LRRK2: variants seen among roughly 807,000 people sequenced by gnomAD.
LRRK2 encodes the protein leucine-rich repeat serine/threonine-protein kinase 2.
A neutral mutation model predicts 302.6 loss-of-function variants in LRRK2; 203 were observed. The observed-to-expected ratio is 0.67, with a 90% CI of 0.60 to 0.75. The LOEUF (loss-of-function observed/expected upper bound fraction) is 0.75. LRRK2 is among the 30% of genes least tolerant of loss of function. The pLI is 0.00. For missense variants in LRRK2, 2,830 were observed against 2,951.0 expected, an observed-to-expected ratio of 0.96 and a Z score of 0.95; for synonymous variants, 1,066 against 1,031.9, an observed-to-expected ratio of 1.03 and a Z score of -0.63.
At chr12:40,240,926 A>G (rs1941692389) in intron 6 of LRRK2, among the ~76,000 whole-genome samples, 1 of 152,210 alleles carries the variant, frequency 6.6e-6, no homozygotes, top group African/African-American at 2.4e-5. Flanking sequence ...AGATGGCAGA[A>G]GTACCTAGAG....
At chr12:40,332,282 C>T (rs1945735217) in intron 39 of LRRK2, among the ~76,000 whole-genome samples, 1 of 152,128 alleles carries the variant, frequency 6.6e-6, no homozygotes, top group Non-Finnish European at 1.5e-5. Context: ...TAACTCAGTA[C>T]TCTAAGGAGG....
In LRRK2 at chr12:40,302,858, C is replaced by G; in HGVS notation, c.3566C>G (p.Pro1189Arg). The G allele has an allele frequency of 6.2e-7, 1 of 1,604,352 alleles. No individual in the cohort carries two copies. The highest frequency in any genetic ancestry group is 8.5e-7 in the Non-Finnish European group (1 of 1,171,772). Residue 1189 changes from proline to arginine, a missense_variant, in exon 26 of 51, where the codon CCA becomes CGA. Around this residue, in one of 3 missense-constraint regions of LRRK2, gnomAD observed 2,121 missense variants for 2,148.0 expected, o/e 0.99. Coordinates refer to ENST00000298910, the MANE Select transcript of LRRK2 (RefSeq NM_198578.4). ...TCTCAGAACAAATTTTCCTGTATTC[C>G]AGAAGCAATTTTAAATCTTCCACAG... Reference protein sequence around the residue: ...KLSQNKFSCIPEAILNLPHLR... With the variant: ...KLSQNKFSCIREAILNLPHLR...
At chr12:40,326,277 A>G (rs942204748) in intron 38 of LRRK2, among the ~76,000 whole-genome samples, 1 of 152,042 alleles carries the variant, frequency 6.6e-6, no homozygotes, top group Non-Finnish European at 1.5e-5. Context: ...ATCCTGGCTA[A>G]CACGGTGAAA....
In LRRK2 at chr12:40,315,237, A is replaced by G; in HGVS notation, c.4764A>G (p.Pro1588=). The change falls in exon 33 of 51, where the codon CCA becomes CCG. Residue 1588 remains proline, a synonymous_variant. Coordinates refer to ENST00000298910, the MANE Select transcript of LRRK2 (RefSeq NM_198578.4). The part of the protein sequence containing the change: ...ESGVLLHFQD[P]ALQLSDLYFV... Reference sequence around the variant, plus strand: ...GAGTCCTTCTTCATTTTCAAGACCCAGCACTGCAGTTAAGTGACTTGTACT... The same window carrying G: ...GAGTCCTTCTTCATTTTCAAGACCCGGCACTGCAGTTAAGTGACTTGTACT... 6.2e-7 allele frequency: 1 copy of G among 1,612,576 alleles called. No individual in the cohort carries two copies. Among genetic ancestry groups the G allele is most frequent in the Non-Finnish European group, 8.5e-7 (1 of 1,178,832 alleles).
At chr12:40,339,916 A>G (rs1243051714) in intron 40 of LRRK2, among the ~76,000 whole-genome samples, 1 of 152,206 alleles carries the variant, frequency 6.6e-6, no homozygotes, top group African/African-American at 2.4e-5. Flanking sequence ...ATCAATTCTT[A>G]TTTAACATAC....
chr12:40,346,996 T>G (rs1393654287), intron 42 of LRRK2, 73 bp downstream of exon 42: 2 of 1,249,848 alleles, frequency 1.6e-6, no homozygotes, highest in Non-Finnish European at 2.3e-6. Flanking sequence ...TTAATTGTAG[T>G]TGTATGCTTA....
intron 2 of LRRK2, among the ~76,000 whole-genome samples, chr12:40,228,820 A>G (rs1397492887): frequency 3.9e-5 from 6 of 152,172 alleles, no homozygotes; most frequent in Admixed American, 6.5e-5. Context: ...TGCACAGCCA[A>G]TATTTGATTC....
At chr12:40,352,112 T>C (rs7311247) in intron 44 of LRRK2, among the ~76,000 whole-genome samples, 116,841 of 152,120 alleles carry the variant, frequency 0.77, 45,733 homozygotes, top group Non-Finnish European at 0.86. Context: ...ATTTTCCCAC[T>C]GCCAGGCAAG....
In LRRK2 at chr12:40,283,855, T is replaced by TA; in HGVS notation, c.2242-18dup. 1 of 1,599,488 alleles carries TA rather than the reference T, an allele frequency of 6.3e-7. No individual in the cohort carries two copies. The highest frequency in any genetic ancestry group is 2.2e-5 in the East Asian group (1 of 44,586). On this transcript the variant is annotated intron_variant, in intron 18 of 50. Transcript: ENST00000298910. Reference sequence around the variant, plus strand: ...GAAAAATGTAGATTTTTAATATACTTAATTTTTTTTCTTTAATAGGTATGT... The same window carrying TA: ...GAAAAATGTAGATTTTTAATATACTTAAATTTTTTTTCTTTAATAGGTATGT...
At chr12:40,299,352 C>A in intron 25 of LRRK2, 95 bp downstream of exon 25, 5 of 1,356,004 alleles carry the variant, frequency 3.7e-6, no homozygotes, top group South Asian at 1.2e-5. Flanking sequence ...TTAAAAGTGG[C>A]ATTTCAGTTT....
chr12:40,238,215 T>G (rs996619526), intron 5 of LRRK2, 112 bp downstream of exon 5: 1 of 1,107,502 alleles, frequency 9.0e-7, no homozygotes, highest in African/African-American at 1.6e-5. Flanking sequence ...CTACTATTTA[T>G]TAAGAAGTGG....
chr12:40,334,896 A>C, intron 39 of LRRK2, 71 bp from the exon 40 acceptor site: 1 of 1,515,722 alleles, frequency 6.6e-7, no homozygotes, highest in Non-Finnish European at 9.1e-7. Flanking sequence ...CTGTTGATGC[A>C]CTTTAAAGAA....
chr12:40,359,556 AT>A, intron 47 of LRRK2, 112 bp downstream of exon 47: 1 of 916,700 alleles, frequency 1.1e-6, no homozygotes, highest in Non-Finnish European at 1.6e-6. Context: ...AAAATGCATA[AT>A]TTATTTTCTA....
chr12:40,238,006 T>C lies in LRRK2; in HGVS notation c.474T>C (p.Asp158=), dbSNP rs974115312. 3.1e-6 allele frequency: 5 copies of C among 1,613,210 alleles called. No homozygotes were observed. The highest frequency in any genetic ancestry group is 3.4e-6 in the Non-Finnish European group (4 of 1,179,388). Residue 158 remains aspartate, a synonymous_variant, in exon 5 of 51, where the codon GAT becomes GAC. Transcript: ENST00000298910. ...ITLLILDEES[D]IFMLIFDAMH... is the part of the protein sequence containing the mutation. ...TGCTGATATTGGATGAAGAAAGTGA[T>C]ATTTTCATGTTAATTTTTGATGCCA...
In LRRK2 at chr12:40,235,691, C is replaced by A; in HGVS notation, c.413C>A (p.Thr138Asn). 6.2e-7 allele frequency: 1 copy of A among 1,600,260 alleles called. No individual in the cohort carries two copies. Among genetic ancestry groups the A allele is most frequent in the Non-Finnish European group, 8.6e-7 (1 of 1,167,866 alleles). Reference protein sequence around the residue: ...SVNLSVIGLKTLDLLLTSGKI... With the variant: ...SVNLSVIGLKNLDLLLTSGKI... ...AACTTGTCAGTGATTGGACTGAAGA[C>A]CTTAGATCTCCTCCTAACTTCAGGT... The change falls in exon 4 of 51, where the codon ACC (threonine) becomes AAC (asparagine). Residue 138 changes from threonine to asparagine, a missense_variant. Thr to Asn is a moderately conservative substitution (Grantham distance 65, BLOSUM62 0). Transcript: ENST00000298910.
Position 40,225,173 on chromosome 12 carries a change from A to G in LRRK2, c.42A>G (p.Glu14=). 1 of 1,614,182 alleles carries G rather than the reference A, an allele frequency of 6.2e-7. No individual in the cohort carries two copies. Among genetic ancestry groups the G allele is most frequent in the Non-Finnish European group, 8.5e-7 (1 of 1,180,008 alleles). The change falls in exon 1 of 51, where the codon GAA becomes GAG. Residue 14 remains glutamate (E), a synonymous_variant. Transcript: ENST00000298910. ...GSCQGCEEDE[E]TLKKLIVRLN... is the part of the protein sequence containing the mutation. Reference sequence around the variant, plus strand: ...GTCAGGGGTGCGAAGAGGACGAGGAAACTCTGAAGAAGTTGATAGTCAGGC... The same window carrying G: ...GTCAGGGGTGCGAAGAGGACGAGGAGACTCTGAAGAAGTTGATAGTCAGGC...
chr12:40,320,557 G>A (rs1260987802), intron 34 of LRRK2, among the ~76,000 whole-genome samples: 1 of 151,982 alleles, frequency 6.6e-6, no homozygotes, highest in Non-Finnish European at 1.5e-5. Flanking sequence ...AATTTTAAAA[G>A]CATTTATGGC....
intron 12 of LRRK2, 115 bp from the exon 13 acceptor site, chr12:40,259,365 T>G (rs1044127706): frequency 7.7e-7 from 1 of 1,304,508 alleles, no homozygotes; most frequent in African/African-American, 1.5e-5. Context: ...CATTTTCATA[T>G]AGTCTTTCCT....
At chr12:40,325,358 TTC>T (rs775168203) in intron 38 of LRRK2, among the ~76,000 whole-genome samples, 3 of 152,204 alleles carry the variant, frequency 2.0e-5, no homozygotes, top group Non-Finnish European at 4.4e-5. Context: ...TTACTCTCCC[TTC>T]TCTAGACCCA....
Sources: allele counts gnomAD v4.1 joint callset (sites outside exome capture counted in the v4.1 genomes callset), GRCh38; gene constraint gnomAD v4.1.1; regional missense constraint gnomAD v4.1.1; transcripts MANE v1.5; gene names NCBI Gene and HGNC (gene_info 2026-07-23, HGNC 2026-07-21).